Variants in COMMD10 observed in about 807,000 individuals in gnomAD.
The protein encoded by COMMD10 is COMM domain containing 10.
Under a neutral mutation model 28.9 loss-of-function variants are expected in COMMD10, and 33 were observed. The observed-to-expected ratio is 1.14, with a 90% CI of 0.87 to 1.53. COMMD10 has a LOEUF of 1.53. COMMD10 is among the 40% of genes most tolerant of loss of function. The pLI is 0.00. For synonymous variants in COMMD10, 110 were observed against 81.7 expected, an observed-to-expected ratio of 1.35 and a Z score of -1.87; for missense variants, 310 against 233.4, an observed-to-expected ratio of 1.33 and a Z score of -2.14.
chr5:116,187,927 C>G (rs748099019), intron 5 of COMMD10, among the ~76,000 whole-genome samples: 32 of 152,196 alleles, frequency 2.1e-4, no homozygotes, highest in East Asian at 1.2e-3. Context: ...GGACTTTACC[C>G]TGTAATCACA....
rs113463005 is a variant in COMMD10, at chr5:116,176,982, G to T, written c.510+42804G>T. Among the ~76,000 whole-genome samples, 1,417 of 152,262 alleles carry T rather than the reference G, an allele frequency of 9.3e-3. 22 individuals carry two copies. The highest frequency in any genetic ancestry group is 0.033 in the African/African-American group (1,364 of 41,556). ...TTAGAGTTCAGACCTTGTTAGAGAA[G>T]GTACAATCTGCTAAGGCCAGAGTTG... On this transcript the variant is annotated intron_variant, in intron 5 of 6. Transcript: ENST00000274458.
chr5:116,244,395 T>G (rs1383881551), intron 5 of COMMD10, among the ~76,000 whole-genome samples: 4 of 152,042 alleles, frequency 2.6e-5, no homozygotes, highest in Non-Finnish European at 5.9e-5. Context: ...TAGGTATTTA[T>G]TAGAAATCTA....
intron 5 of COMMD10, among the ~76,000 whole-genome samples, chr5:116,150,525 T>C (rs999548207): frequency 2.7e-5 from 4 of 148,044 alleles, no homozygotes; most frequent in African/African-American, 7.7e-5. Context: ...TATCCTCTTT[T>C]ATTTCGTTGA....
At chr5:116,120,234 A>C (rs1369432457) in intron 4 of COMMD10, among the ~76,000 whole-genome samples, 2 of 152,164 alleles carry the variant, frequency 1.3e-5, no homozygotes, top group East Asian at 3.8e-4. Context: ...CCAGTTTTCT[A>C]AATGAAGTAA....
At chr5:116,262,282 G>T (rs1011102348) in intron 5 of COMMD10, among the ~76,000 whole-genome samples, 1 of 151,682 alleles carries the variant, frequency 6.6e-6, no homozygotes, top group Non-Finnish European at 1.5e-5. Flanking sequence ...TGAAGTATCA[G>T]TTAAAAATAT....
rs1047584105 is a variant in COMMD10 at position 116,184,287 on chromosome 5, T to C, written c.510+50109T>C. ...TCCCTAATTATGTATTTACATTTTC[T>C]TTATTTTTCTTAACTATATATCTGA... is the stretch of plus-strand genomic sequence containing the variant. On this transcript the variant is annotated intron_variant, in intron 5 of 6. Transcript: ENST00000274458. Among the ~76,000 whole-genome samples, 3 of 143,764 alleles carry C rather than the reference T, an allele frequency of 2.1e-5. No individual in the cohort carries two copies. The South Asian group carries it at 6.9e-4, about 33-fold the overall frequency. The allele number at this position is 143,764 out of a possible 152,430, so 94.3% of individuals were successfully genotyped here.
rs955869896 is a variant in COMMD10 at position 116,266,898 on chromosome 5, C to T, written c.511-24619C>T. 3.2e-4 allele frequency among the ~76,000 whole-genome samples: 48 copies of T among 151,874 alleles called. 1 individual carries two copies. The highest frequency in any genetic ancestry group is 9.7e-4 in the African/African-American group (40 of 41,252). On this transcript the variant is annotated intron_variant, in intron 5 of 6. Transcript: ENST00000274458. ...AAGGCCTTTGACAAAATTCAACAGC[C>T]GTTCATGCTAAACACTCTCAATAAA...
At chr5:116,197,462 A>G (rs375039413) in intron 5 of COMMD10, among the ~76,000 whole-genome samples, 3 of 151,922 alleles carry the variant, frequency 2.0e-5, no homozygotes, top group African/African-American at 7.3e-5. Flanking sequence ...GCTCACTGCA[A>G]CCTCTACCTC....
At chr5:116,182,841 T>C (rs1181669814) in intron 5 of COMMD10, among the ~76,000 whole-genome samples, 4 of 152,032 alleles carry the variant, frequency 2.6e-5, no homozygotes, top group East Asian at 1.9e-4. Context: ...ACCAAGTAGA[T>C]GTAATTGGAT....
intron 4 of COMMD10, among the ~76,000 whole-genome samples, chr5:116,127,151 T>C (rs1370947650): frequency 7.2e-5 from 11 of 152,278 alleles, no homozygotes; most frequent in African/African-American, 2.6e-4. Context: ...AAGACATTTA[T>C]GCAGCCAACA....
intron 5 of COMMD10, among the ~76,000 whole-genome samples, chr5:116,211,194 G>A (rs1748954674): frequency 6.6e-6 from 1 of 152,018 alleles, no homozygotes. Context: ...GTATGTATAT[G>A]CAGTCATGCA....
chr5:116,254,636 A>G (rs902810907), intron 5 of COMMD10, among the ~76,000 whole-genome samples: 1 of 151,628 alleles, frequency 6.6e-6, no homozygotes, highest in Non-Finnish European at 1.5e-5. Flanking sequence ...CCTGAGTTCT[A>G]GTTTGATTGC....
chr5:116,136,841 AGAG>A (rs908707130), intron 5 of COMMD10, among the ~76,000 whole-genome samples: 12 of 152,314 alleles, frequency 7.9e-5, no homozygotes, highest in African/African-American at 1.4e-4. Flanking sequence ...CTGAGGAAGA[AGAG>A]GAGAAGCACA....
intron 5 of COMMD10, among the ~76,000 whole-genome samples, chr5:116,163,914 G>C (rs1753006389): frequency 6.6e-6 from 1 of 152,148 alleles, no homozygotes; most frequent in Admixed American, 6.5e-5. Flanking sequence ...TTGTATATGA[G>C]TAAATAAACG....
chr5:116,172,513 A>G (rs899208832), intron 5 of COMMD10, among the ~76,000 whole-genome samples: 6 of 152,204 alleles, frequency 3.9e-5, no homozygotes, highest in African/African-American at 1.4e-4. Context: ...GCATTTGCTC[A>G]GACTATTGCT....
intron 5 of COMMD10, among the ~76,000 whole-genome samples, chr5:116,271,556 G>C (rs1359190571): frequency 6.6e-6 from 1 of 151,570 alleles, no homozygotes; most frequent in African/African-American, 2.4e-5. Flanking sequence ...AGAGCATGAC[G>C]ACTAATGTGG....
At position 116,134,113 on chromosome 5, in the gene COMMD10, G is replaced by A. The variant is rs538653158; in HGVS notation, c.445G>A (p.Ala149Thr). 3.7e-6 allele frequency: 6 copies of A among 1,612,746 alleles called. No homozygotes were observed. In the East Asian group the frequency reaches 8.9e-5, roughly 24 times the overall value. The part of the protein sequence containing the change: ...WQLNLQMAHS[A>T]QAKLKSPQAV... ...GCTTAACCTTCAGATGGCTCACTCT[G>A]CTCAAGCAAAACTAAAATCTCCTCA... Residue 149 changes from alanine to threonine, a missense_variant, in exon 5 of 7, where the codon GCT becomes ACT. Coordinates refer to ENST00000274458, the MANE Select transcript of COMMD10 (RefSeq NM_016144.4).
chr5:116,187,402 A>G (rs1043257259), intron 5 of COMMD10, among the ~76,000 whole-genome samples: 1 of 152,124 alleles, frequency 6.6e-6, no homozygotes, highest in South Asian at 2.1e-4. Flanking sequence ...TGAATGGTAT[A>G]CATATGTATA....
At chr5:116,213,485 A>G (rs946460202) in intron 5 of COMMD10, among the ~76,000 whole-genome samples, 3 of 152,196 alleles carry the variant, frequency 2.0e-5, no homozygotes, top group Admixed American at 2.0e-4. Context: ...GTCTGTGTTC[A>G]GAAGATCTGT....
Sources: allele counts gnomAD v4.1 joint callset (sites outside exome capture counted in the v4.1 genomes callset), GRCh38; gene constraint gnomAD v4.1.1; transcripts MANE v1.5; gene names NCBI Gene and HGNC (gene_info 2026-07-23, HGNC 2026-07-21).